The following CDH4 variants were observed in gnomAD, a reference collection of about 807,000 sequenced individuals.
CDH4 encodes the protein cadherin-4.
CDH4 carries 33 observed loss-of-function variants against 86.0 expected under a neutral mutation model. The observed-to-expected ratio is 0.38, with a 90% CI of 0.29 to 0.51. CDH4 has a LOEUF of 0.51. Ranked by LOEUF, CDH4 falls within the 20% of genes least tolerant of loss-of-function variation. CDH4 has a pLI of 0.86. For missense variants in CDH4, 1,114 were observed against 1,307.4 expected (o/e 0.85, Z 2.28); for synonymous variants, 555 against 549.4 (o/e 1.01, Z -0.14).
At chr20:61,448,337 T>C (rs1354380587) in intron 2 of CDH4, among the ~76,000 whole-genome samples, 1 of 152,174 alleles carries the variant, frequency 6.6e-6, no homozygotes, top group Non-Finnish European at 1.5e-5. Flanking sequence ...ACCGGAAAGG[T>C]ATTATGCGAA....
At chr20:61,456,426 A>G (rs2085407286) in intron 2 of CDH4, among the ~76,000 whole-genome samples, 1 of 152,102 alleles carries the variant, frequency 6.6e-6, no homozygotes, top group Non-Finnish European at 1.5e-5. Context: ...ATCCCTAGGG[A>G]TATTTTTAGT....
intron 4 of CDH4, among the ~76,000 whole-genome samples, chr20:61,782,874 AG>A (rs1978622434): frequency 6.6e-6 from 1 of 152,232 alleles, no homozygotes; most frequent in African/African-American, 2.4e-5. Context: ...ACTTGAGGCC[AG>A]GAGTTCAAGA....
chr20:61,613,450 C>T (rs1333859623), intron 2 of CDH4, among the ~76,000 whole-genome samples: 13 of 152,078 alleles, frequency 8.5e-5, no homozygotes, highest in Admixed American at 5.2e-4. Flanking sequence ...CTCCTAATAT[C>T]GCCCTAGACA....
At chr20:61,262,790 CTCCCTCCT>C in intron 2 of CDH4, among the ~76,000 whole-genome samples, 1 of 150,682 alleles carries the variant, frequency 6.6e-6, no homozygotes, top group East Asian at 2.0e-4. Flanking sequence ...TCTCTCCTCC[CTCCCTCCT>C]TCCCTCCTTT....
intron 2 of CDH4, among the ~76,000 whole-genome samples, chr20:61,526,914 G>A (rs142556818): frequency 9.4e-4 from 143 of 152,294 alleles, no homozygotes; most frequent in Non-Finnish European, 1.6e-3. Context: ...ATCTAATTAT[G>A]TTCTTTCGGA....
intron 4 of CDH4, among the ~76,000 whole-genome samples, chr20:61,791,937 C>T (rs1014509986): frequency 2.0e-5 from 3 of 152,028 alleles, no homozygotes; most frequent in African/African-American, 7.3e-5. Context: ...GGTCCCAGGG[C>T]CCCCAGCCAG....
At chr20:61,418,200 CTTTTTTTTCT>C (rs1466188883) in intron 2 of CDH4, among the ~76,000 whole-genome samples, 1 of 125,676 alleles carries the variant, frequency 8.0e-6, no homozygotes, top group Non-Finnish European at 1.6e-5. Context: ...AAACTTTTTT[CTTTTTTTTCT>C]TTTTTTTTTT....
intron 2 of CDH4, among the ~76,000 whole-genome samples, chr20:61,460,126 G>T (rs1018311786): frequency 6.6e-6 from 1 of 152,170 alleles, no homozygotes; most frequent in African/African-American, 2.4e-5. Flanking sequence ...AAATGAATGT[G>T]CAAGGTGTAA....
intron 2 of CDH4, among the ~76,000 whole-genome samples, chr20:61,259,678 C>T (rs1490358570): frequency 1.3e-5 from 2 of 152,236 alleles, no homozygotes; most frequent in African/African-American, 4.8e-5. Context: ...CTCTCTCTCT[C>T]TCTCCCTTGC....
At chr20:61,900,100 C>G (rs1345257971) in intron 8 of CDH4, among the ~76,000 whole-genome samples, 1 of 151,462 alleles carries the variant, frequency 6.6e-6, no homozygotes, top group Non-Finnish European at 1.5e-5. Context: ...AGGCTACTGG[C>G]CAGCCTCAGC....
chr20:61,802,071 T>C (rs1979857587), intron 4 of CDH4, among the ~76,000 whole-genome samples: 2 of 152,204 alleles, frequency 1.3e-5, no homozygotes, highest in South Asian at 4.1e-4. Flanking sequence ...CTCTGCCCCT[T>C]TGTCCGGCAA....
At position 61,746,609 on chromosome 20, in the gene CDH4, C is replaced by T. The variant is rs535996185; in HGVS notation, c.396+2820C>T. ...AGCAGCCACCCAGGGTGTGGGTGCACGGCAAGGCTTCTGCGACTTACTGGC... is the reference window on the plus strand; with the variant it reads ...AGCAGCCACCCAGGGTGTGGGTGCATGGCAAGGCTTCTGCGACTTACTGGC... On this transcript the variant is annotated intron_variant, in intron 3 of 15. Coordinates refer to ENST00000614565, the MANE Select transcript of CDH4 (RefSeq NM_001794.5). 5.9e-5 allele frequency among the ~76,000 whole-genome samples: 9 copies of T among 152,316 alleles called. No individual in the cohort carries two copies. In the South Asian group the frequency reaches 6.2e-4, roughly 11 times the overall value.
chr20:61,409,260 C>T (rs978863541), intron 2 of CDH4, among the ~76,000 whole-genome samples: 2 of 152,194 alleles, frequency 1.3e-5, no homozygotes, highest in African/African-American at 4.8e-5. Flanking sequence ...TCAAATAAAC[C>T]TCAAAGCAGC....
chr20:61,521,829 T>C (rs1419126457), intron 2 of CDH4, among the ~76,000 whole-genome samples: 1 of 152,210 alleles, frequency 6.6e-6, no homozygotes, highest in Non-Finnish European at 1.5e-5. Flanking sequence ...CCCCACTGTG[T>C]TGCCAACAGG....
chr20:61,359,896 G>A (rs1276057280), intron 2 of CDH4, among the ~76,000 whole-genome samples: 1 of 152,220 alleles, frequency 6.6e-6, no homozygotes, highest in African/African-American at 2.4e-5. Context: ...TAAGGCAACA[G>A]ATGAAACAAA....
chr20:61,276,726 C>T (rs2084233609), intron 2 of CDH4, among the ~76,000 whole-genome samples: 2 of 152,212 alleles, frequency 1.3e-5, no homozygotes, highest in Admixed American at 1.3e-4. Flanking sequence ...GATTCCATCA[C>T]TGTGGCTCTA....
intron 3 of CDH4, among the ~76,000 whole-genome samples, chr20:61,758,428 T>C (rs1217105561): frequency 6.6e-6 from 1 of 152,180 alleles, no homozygotes; most frequent in African/African-American, 2.4e-5. Context: ...ACGTTCTGCA[T>C]GGTTGACTCA....
At chr20:61,431,367 T>A (rs2145515956) in intron 2 of CDH4, among the ~76,000 whole-genome samples, 1 of 151,016 alleles carries the variant, frequency 6.6e-6, no homozygotes, top group East Asian at 1.9e-4. Context: ...TGGTTTTTTT[T>A]TTTTTTTTTT....
Position 61,364,662 on chromosome 20 carries a change from G to A in CDH4, c.169+109725G>A, listed in dbSNP as rs184808790. Reference sequence around the variant, plus strand: ...TGTCCATAAACATGTGCATAAACATGCACAAAGTTGTGCTTTTTTAAACCC... The same window carrying A: ...TGTCCATAAACATGTGCATAAACATACACAAAGTTGTGCTTTTTTAAACCC... On this transcript the variant is annotated intron_variant, in intron 2 of 15. Transcript: ENST00000614565. 2.3e-4 allele frequency among the ~76,000 whole-genome samples: 35 copies of A among 152,328 alleles called. 1 individual carries two copies. Among genetic ancestry groups the A allele is most frequent in the Admixed American group, 2.2e-3 (34 of 15,312 alleles).
Sources: gnomAD v4.1 joint callset for allele counts (sites outside exome capture counted in the v4.1 genomes callset) on GRCh38, gnomAD v4.1.1 for gene constraint, MANE v1.5 for transcripts, NCBI Gene and HGNC (gene_info 2026-07-23, HGNC 2026-07-21) for gene names.